The following SINHCAF variants were observed in gnomAD, a reference collection of about 807,000 sequenced individuals.
SINHCAF encodes SIN3-HDAC complex associated factor.
SINHCAF carries 3 observed loss-of-function variants against 25.8 expected under a neutral mutation model. The ratio of observed to expected loss-of-function variants is 0.12; its 90% CI spans 0.05 to 0.30. The LOEUF (loss-of-function observed/expected upper bound fraction) is 0.30. SINHCAF is among the 10% of genes least tolerant of loss of function. SINHCAF has a pLI of 1.00. For synonymous variants in SINHCAF, 70 were observed against 85.5 expected (o/e 0.82, Z 1.00); for missense variants, 121 against 262.3 (o/e 0.46, Z 3.72).
In SINHCAF at chr12:31,325,257, C is replaced by A. The variant is rs981758514; in HGVS notation, c.-21+767G>T. On this transcript the variant is annotated intron_variant, in intron 1 of 5. Coordinates refer to ENST00000337682, the MANE Select transcript of SINHCAF (RefSeq NM_001135812.2). This position sits in a 1 kb window ranked among gnomAD's most constrained non-coding sequence, Gnocchi z 5.9. ...CAAAACTTCGGGCTCCGAAAGCACC[C>A]CGGACACCAGAGGCTCTTGGGCGCG... The A allele has an allele frequency of 2.2e-6, 1 of 456,748 alleles. No individual in the cohort carries two copies. Among genetic ancestry groups the A allele is most frequent in the South Asian group, 1.5e-5 (1 of 64,558 alleles). The allele number at this position is 456,748 out of a possible 1,614,324, so 28.3% of individuals were successfully genotyped here.
intron 1 of SINHCAF, chr12:31,303,732 G>GT (rs1337575446): frequency 2.0e-5 from 3 of 152,238 alleles, no homozygotes; most frequent in African/African-American, 7.2e-5. Flanking sequence ...TTTGTCATTT[G>GT]TAAGTGTGAT....
chr12:31,294,103 C>A (rs1393446823), intron 3 of SINHCAF, among the ~76,000 whole-genome samples, 172 bp from the exon 4 acceptor site: 1 of 152,104 alleles, frequency 6.6e-6, no homozygotes, highest in African/African-American at 2.4e-5. Flanking sequence ...TATTTATCTA[C>A]TGGGGTTTTT....
At chr12:31,297,887 C>T (rs1938613389) in intron 2 of SINHCAF, among the ~76,000 whole-genome samples, 190 bp downstream of exon 2, 1 of 152,142 alleles carries the variant, frequency 6.6e-6, no homozygotes, top group African/African-American at 2.4e-5. Context: ...GGTAGCTCCT[C>T]ATAATCTGGA....
chr12:31,307,448 G>C (rs910728994), intron 1 of SINHCAF, among the ~76,000 whole-genome samples: 1 of 152,034 alleles, frequency 6.6e-6, no homozygotes, highest in African/African-American at 2.4e-5. Context: ...CCAGCTACTC[G>C]GGAGGCTGAG....
intron 2 of SINHCAF, among the ~76,000 whole-genome samples, chr12:31,297,513 G>A (rs1054726478): frequency 3.2e-5 from 4 of 124,486 alleles, no homozygotes; most frequent in Admixed American, 1.9e-4. Flanking sequence ...TCATTCTGTC[G>A]CCAGGCTGGA....
At chr12:31,319,267 G>A (rs1414422359) in intron 1 of SINHCAF, among the ~76,000 whole-genome samples, 1 of 152,164 alleles carries the variant, frequency 6.6e-6, no homozygotes, top group Non-Finnish European at 1.5e-5. Flanking sequence ...AGTGGCTCAC[G>A]CCTGTAATCC....
At position 31,295,740 on chromosome 12, in the gene SINHCAF, T is replaced by C. The variant is rs1462519996; in HGVS notation, c.129-407A>G. 2.0e-5 allele frequency among the ~76,000 whole-genome samples: 3 copies of C among 151,016 alleles called. No individual in the cohort carries two copies. The East Asian group carries it at 5.9e-4, about 30-fold the overall frequency. On this transcript the variant is annotated intron_variant, in intron 2 of 5. Transcript: ENST00000337682. The stretch of plus-strand genomic sequence containing the variant: ...TACAAAAATCAGCCTGGTGTGGTGG[T>C]GCACACCTGTAGTCCCAGCTACTCA...
rs187321082 is a variant in SINHCAF, at chr12:31,317,762, T to C, written c.-21+8262A>G. ...GATACAAATTAGAAAATACACTCCA[T>C]GGGAGAGACTACGAAATAGACTGGT... On this transcript the variant is annotated intron_variant, in intron 1 of 5. Coordinates refer to ENST00000337682, the MANE Select transcript of SINHCAF (RefSeq NM_001135812.2). Among the ~76,000 whole-genome samples the C allele has an allele frequency of 8.5e-5, 13 of 152,144 alleles. 1 individual carries two copies. The highest frequency in any genetic ancestry group is 6.5e-4 in the Admixed American group (10 of 15,294).
chr12:31,290,670 A>G (rs1938274011), intron 4 of SINHCAF, among the ~76,000 whole-genome samples: 1 of 152,118 alleles, frequency 6.6e-6, no homozygotes, highest in African/African-American at 2.4e-5. Context: ...GGAAGTGCTT[A>G]ATATCTTTAA....
intron 3 of SINHCAF, among the ~76,000 whole-genome samples, chr12:31,294,308 A>T (rs1938457651): frequency 6.6e-6 from 1 of 152,224 alleles, no homozygotes; most frequent in Non-Finnish European, 1.5e-5. Flanking sequence ...ATTTAGTACA[A>T]AGCAAAAAAT....
At chr12:31,300,215 G>T (rs1938728983) in intron 1 of SINHCAF, among the ~76,000 whole-genome samples, 2 of 152,046 alleles carry the variant, frequency 1.3e-5, no homozygotes, top group Non-Finnish European at 2.9e-5. Context: ...ATAGACAGAG[G>T]TTTTACAACT....
intron 5 of SINHCAF, among the ~76,000 whole-genome samples, chr12:31,285,944 C>T (rs1005052818): frequency 1.3e-5 from 2 of 148,340 alleles, no homozygotes; most frequent in African/African-American, 5.0e-5. Flanking sequence ...CACTGCACTC[C>T]AGTCTGGGCT....
At chr12:31,297,499 A>G (rs1344195793) in intron 2 of SINHCAF, among the ~76,000 whole-genome samples, 1 of 116,038 alleles carries the variant, frequency 8.6e-6, no homozygotes, top group African/African-American at 3.5e-5. Context: ...TTTGAGACAG[A>G]GTCTCATTCT....
At chr12:31,292,183 A>C (rs1415620220) in intron 4 of SINHCAF, among the ~76,000 whole-genome samples, 1 of 152,172 alleles carries the variant, frequency 6.6e-6, no homozygotes, top group African/African-American at 2.4e-5. Flanking sequence ...AAAGAAAATT[A>C]ATGTTTCCCA....
At chr12:31,307,675 TATG>T (rs1939091418) in intron 1 of SINHCAF, among the ~76,000 whole-genome samples, 1 of 152,150 alleles carries the variant, frequency 6.6e-6, no homozygotes, top group Non-Finnish European at 1.5e-5. Context: ...AGTGTTGAGT[TATG>T]ATGGGAATTC....
In SINHCAF at chr12:31,325,984, G is replaced by C. The variant is rs1203468460; in HGVS notation, c.-21+40C>G. ...AAAAACACTGAAATCAAAGCCTCGTGAGACAGTTTTGCACTAGAAGCATGG... is the reference window on the plus strand; with the variant it reads ...AAAAACACTGAAATCAAAGCCTCGTCAGACAGTTTTGCACTAGAAGCATGG... On this transcript the variant is annotated intron_variant, in intron 1 of 5. Coordinates refer to ENST00000337682, the MANE Select transcript of SINHCAF (RefSeq NM_001135812.2). The surrounding 1 kb of genome is among the most constrained non-coding windows in gnomAD (Gnocchi z 5.9). 6.6e-6 allele frequency: 1 copy of C among 152,008 alleles called. No individual in the cohort carries two copies. 9.4% of individuals were successfully genotyped at this position (152,008 alleles called of 1,614,324 possible). A position where few individuals can be genotyped will look rare whatever the true frequency, so the allele number is the denominator to read the frequency against.
In SINHCAF at chr12:31,314,329, C is replaced by T. The variant is rs184628938; in HGVS notation, c.-21+11695G>A. 2.7e-3 allele frequency among the ~76,000 whole-genome samples: 411 copies of T among 152,068 alleles called. 2 individuals are homozygous for T. The highest frequency in any genetic ancestry group is 9.3e-3 in the African/African-American group (384 of 41,494). On this transcript the variant is annotated intron_variant, in intron 1 of 5. Transcript: ENST00000337682. ...CACGAGGTCACAAGATTGAGACCAT[C>T]CTGCCTAACACGGTGAAACCCTGTC...
intron 1 of SINHCAF, among the ~76,000 whole-genome samples, chr12:31,313,087 C>T (rs997758410): frequency 5.3e-5 from 8 of 152,118 alleles, no homozygotes; most frequent in Admixed American, 2.0e-4. Context: ...TGCAATGGCA[C>T]GATCTCGGCT....
At chr12:31,297,584 TGCCTCA>T (rs1316535227) in intron 2 of SINHCAF, among the ~76,000 whole-genome samples, 1 of 150,498 alleles carries the variant, frequency 6.6e-6, no homozygotes, top group Non-Finnish European at 1.5e-5. Context: ...GTGATTCTCC[TGCCTCA>T]GCCTCTGGAG....
Sources: gnomAD v4.1 joint callset for allele counts (sites outside exome capture counted in the v4.1 genomes callset) on GRCh38, gnomAD v4.1.1 for gene constraint, Gnocchi (gnomAD v3.1) non-coding constraint, MANE v1.5 for transcripts, NCBI Gene and HGNC (gene_info 2026-07-23, HGNC 2026-07-21) for gene names.